ZNF596: variants seen among roughly 807,000 people sequenced by gnomAD.
ZNF596 encodes the protein zinc finger protein 596.
ZNF596 carries 45 observed loss-of-function variants against 48.3 expected under a neutral mutation model. That is an observed-to-expected ratio of 0.93 (90% CI 0.73 to 1.19). The LOEUF is 1.19. Among genes scored for constraint, ZNF596 ranks in the 50% most tolerant of loss-of-function variants. ZNF596 has a pLI of 0.00. For synonymous variants in ZNF596, 270 were observed against 202.0 expected, an observed-to-expected ratio of 1.34 and a Z score of -2.85; for missense variants, 848 against 599.7, an observed-to-expected ratio of 1.41 and a Z score of -4.32.
At chr8:233,001 G>A (rs1796475377) in intron 1 of ZNF596, 1 of 468,654 alleles carries the variant, frequency 2.1e-6, no homozygotes, top group Admixed American at 2.4e-5. Context: ...CTGAGAAGCG[G>A]GCTCTTCCTT....
At chr8:239,340 C>A (rs1182977679) in intron 1 of ZNF596, among the ~76,000 whole-genome samples, 1 of 152,120 alleles carries the variant, frequency 6.6e-6, no homozygotes, top group Non-Finnish European at 1.5e-5. Flanking sequence ...AGGTGCCTGC[C>A]ACCATGCCCA....
chr8:236,271 A>G (rs79043558), intron 1 of ZNF596, among the ~76,000 whole-genome samples: 6,767 of 152,266 alleles, frequency 0.044, 208 homozygotes, highest in Middle Eastern at 0.082. Context: ...GAATATTCAT[A>G]ATAGTTTTGC....
At chr8:236,874 A>G (rs938263554) in intron 1 of ZNF596, among the ~76,000 whole-genome samples, 10 of 152,254 alleles carry the variant, frequency 6.6e-5, no homozygotes, top group Non-Finnish European at 1.5e-4. Context: ...TTAAATTTGT[A>G]GTTATTGTTA....
At chr8:241,030 C>T (rs1563066137) in intron 2 of ZNF596, 123 bp downstream of exon 2, 4 of 1,219,118 alleles carry the variant, frequency 3.3e-6, no homozygotes, top group Non-Finnish European at 4.9e-6. Context: ...ATTAAGATTC[C>T]CCAGGGCTTC....
intron 1 of ZNF596, among the ~76,000 whole-genome samples, chr8:239,595 A>G (rs1017356974): frequency 2.0e-5 from 3 of 152,174 alleles, no homozygotes; most frequent in African/African-American, 4.8e-5. Flanking sequence ...CATTTTAAAT[A>G]TTACATATGA....
chr8:244,734 A>G (rs1283039301), intron 5 of ZNF596, 33 bp downstream of exon 5: 1 of 1,566,982 alleles, frequency 6.4e-7, no homozygotes. Flanking sequence ...CTGTTCTTAC[A>G]TATAGAAACC....
chr8:243,685 A>C, intron 3 of ZNF596, 37 bp from the exon 4 acceptor site: 1 of 1,605,330 alleles, frequency 6.2e-7, no homozygotes, highest in Non-Finnish European at 8.5e-7. Flanking sequence ...TTGTCAGCAC[A>C]GAACTCAAAA....
intron 1 of ZNF596, chr8:234,319 T>C (rs2906326): frequency 0.37 from 55,777 of 152,058 alleles, 10,432 homozygotes; most frequent in Non-Finnish European, 0.38. Flanking sequence ...AACGGTGTTA[T>C]GAAAGAAGGG....
chr8:237,546 G>A (rs1196624531), intron 1 of ZNF596: 4 of 151,924 alleles, frequency 2.6e-5, no homozygotes, highest in Admixed American at 6.6e-5. Flanking sequence ...TACTGGTGAC[G>A]TATACCCACT....
Position 234,196 on chromosome 8 carries a change from C to T in ZNF596, c.-73+1502C>T, listed in dbSNP as rs376940789. Among the ~76,000 whole-genome samples the T allele has an allele frequency of 1.2e-4, 18 of 152,330 alleles. 1 individual carries two copies. The South Asian group carries it at 3.7e-3, about 32-fold the overall frequency. Reference sequence around the variant, plus strand: ...AAGCCTTGCCCATTCTCACCCATGACACTGTGCTCAGCAGGTACTAGCAGA... The same window carrying T: ...AAGCCTTGCCCATTCTCACCCATGATACTGTGCTCAGCAGGTACTAGCAGA... On this transcript the variant is annotated intron_variant, in intron 1 of 5. Coordinates refer to ENST00000398612, the MANE Select transcript of ZNF596 (RefSeq NM_001042416.3).
At chr8:239,438 C>G (rs1248547603) in intron 1 of ZNF596, among the ~76,000 whole-genome samples, 1 of 152,156 alleles carries the variant, frequency 6.6e-6, no homozygotes, top group African/African-American at 2.4e-5. Context: ...CTCAGGTGAT[C>G]CTCCTGCCTT....
Position 240,580 on chromosome 8 carries a change from G to A in ZNF596, c.-72-244G>A, listed in dbSNP as rs143298747. ...AATTAAACATTTCAGAATTCCATGC[G>A]CTAGGTGGCATATGAAACTCCATGA... On this transcript the variant is annotated intron_variant, in intron 1 of 5. Transcript: ENST00000398612. The A allele has an allele frequency of 3.5e-4, 123 of 347,578 alleles. No homozygotes were observed. In the East Asian group the frequency reaches 4.3e-3, roughly 12 times the overall value. The allele number at this position is 347,578 out of a possible 1,614,324, so 21.5% of individuals were successfully genotyped here. A position where few individuals can be genotyped will look rare whatever the true frequency, so the allele number is the denominator to read the frequency against.
intron 1 of ZNF596, chr8:237,388 T>C (rs955566546): frequency 6.6e-6 from 1 of 152,188 alleles, no homozygotes; most frequent in African/African-American, 2.4e-5. Context: ...AAGTAACTCC[T>C]GTTTTATCTT....
intron 4 of ZNF596, 121 bp from the exon 5 acceptor site, chr8:244,498 A>T: frequency 2.9e-6 from 2 of 696,240 alleles, no homozygotes; most frequent in African/African-American, 1.8e-5. Context: ...AAGTATGGTT[A>T]ATTTAACATT....
At chr8:244,420 G>A (rs912282866) in intron 4 of ZNF596, 199 bp from the exon 5 acceptor site, 6 of 549,984 alleles carry the variant, frequency 1.1e-5, no homozygotes, top group Middle Eastern at 4.8e-4. Flanking sequence ...TTCCTTCCTC[G>A]ACTTGCCTTT....
Position 245,785 on chromosome 8 carries a change from G to A in ZNF596, c.938G>A (p.Gly313Glu), listed in dbSNP as rs1471153076. The stretch of plus-strand genomic sequence containing the variant: ...AAACCATATGGATGTCTCCTATGTG[G>A]GAAGGCTTTCAGTAAATGTTCTTAC... ...GDKPYGCLLC[G>E]KAFSKCSYLR... The change falls in exon 6 of 6, where the codon GGG becomes GAG. Residue 313 changes from glycine (G) to glutamate (E), a missense_variant. Gly to Glu is a moderately conservative substitution (Grantham distance 98, BLOSUM62 -2). Coordinates refer to ENST00000398612, the MANE Select transcript of ZNF596 (RefSeq NM_001042416.3). 1.2e-6 allele frequency: 2 copies of A among 1,614,020 alleles called. No homozygotes were observed. Among genetic ancestry groups the A allele is most frequent in the South Asian group, 1.1e-5 (1 of 91,074 alleles).
At chr8:239,050 A>T (rs1796742855) in intron 1 of ZNF596, among the ~76,000 whole-genome samples, 1 of 152,176 alleles carries the variant, frequency 6.6e-6, no homozygotes, top group Non-Finnish European at 1.5e-5. Context: ...AGCTGACTTG[A>T]TCAAGCAGAA....
At position 246,363 on chromosome 8, in the gene ZNF596, G is replaced by A. The variant is rs755050997; in HGVS notation, c.*1G>A. ...CACTAAAAAAGCAATGAATATGTAAGAATCATCAGCTGTAGCGTTAACACT... is the reference window on the plus strand; with the variant it reads ...CACTAAAAAAGCAATGAATATGTAAAAATCATCAGCTGTAGCGTTAACACT... On this transcript the variant is annotated 3_prime_UTR_variant, in exon 6 of 6. Transcript: ENST00000398612. 3.8e-5 allele frequency: 60 copies of A among 1,575,826 alleles called. No individual in the cohort carries two copies. Among genetic ancestry groups the A allele is most frequent in the Non-Finnish European group, 4.6e-5 (54 of 1,165,794 alleles).
In ZNF596 at chr8:245,406, G is replaced by C. The variant is rs749778790; in HGVS notation, c.559G>C (p.Val187Leu). The C allele has an allele frequency of 1.2e-6, 2 of 1,614,166 alleles. No homozygotes were observed. Among genetic ancestry groups the C allele is most frequent in the Non-Finnish European group, 1.7e-6 (2 of 1,180,018 alleles). ...AAACTCTGCCCTTAGACCACACAGT[G>C]TGACTCACACTAGAGAGATAACATT... The part of the protein sequence containing the change: ...IQNSALRPHS[V>L]THTREITLEC... Residue 187 changes from valine to leucine, a missense_variant, in exon 6 of 6, where the codon GTG (valine) becomes CTG (leucine). Val to Leu is a conservative substitution (Grantham distance 32). Coordinates refer to ENST00000398612, the MANE Select transcript of ZNF596 (RefSeq NM_001042416.3).
Sources: gnomAD v4.1 joint callset for allele counts (sites outside exome capture counted in the v4.1 genomes callset) on GRCh38, gnomAD v4.1.1 for gene constraint, MANE v1.5 for transcripts, NCBI Gene and HGNC (gene_info 2026-07-23, HGNC 2026-07-21) for gene names.